CDH18: variants seen among roughly 807,000 people sequenced by gnomAD.
CDH18 encodes cadherin-18.
Under a neutral mutation model 67.9 loss-of-function variants are expected in CDH18, and 31 were observed. The ratio of observed to expected loss-of-function variants is 0.46; its 90% CI spans 0.34 to 0.62. The LOEUF is 0.62. Ranked by LOEUF, CDH18 falls within the 20% of genes least tolerant of loss-of-function variation. The probability of loss-of-function intolerance (pLI) is 0.01; values close to 1 mark genes in which losing one functional copy is unlikely to be tolerated. For missense variants in CDH18, 890 were observed against 975.5 expected (o/e 0.91, Z 1.17); for synonymous variants, 362 against 347.2 (o/e 1.04, Z -0.48).
chr5:20,074,581 C>G (rs899599331), intron 2 of CDH18, among the ~76,000 whole-genome samples: 1 of 152,148 alleles, frequency 6.6e-6, no homozygotes, highest in Non-Finnish European at 1.5e-5. Context: ...AGAATAAGTA[C>G]CAATGAACAT....
chr5:19,899,403 A>AC (rs1282543649), intron 2 of CDH18, among the ~76,000 whole-genome samples: 1 of 151,938 alleles, frequency 6.6e-6, no homozygotes, highest in African/African-American at 2.4e-5. Context: ...CCATTTCAAA[A>AC]AAAAAAAAAA....
chr5:19,599,746 C>T (rs1746764514), intron 6 of CDH18, among the ~76,000 whole-genome samples: 1 of 151,944 alleles, frequency 6.6e-6, no homozygotes, highest in Non-Finnish European at 1.5e-5. Flanking sequence ...ACTAAAAATA[C>T]AAAAAATTAG....
Position 19,929,739 on chromosome 5 carries a change from C to T in CDH18, c.-257+51321G>A, listed in dbSNP as rs375092384. On this transcript the variant is annotated intron_variant, in intron 2 of 12. Coordinates refer to ENST00000382275, the MANE Select transcript of CDH18 (RefSeq NM_004934.5). The stretch of plus-strand genomic sequence containing the variant: ...TTAAATGTTGGTGTGTGAATGTAAC[C>T]ATCTTAAGTTGATTTTTGTAGGCTA... Among the ~76,000 whole-genome samples, 9 of 152,120 alleles carry T rather than the reference C, an allele frequency of 5.9e-5. 1 individual carries two copies. In the East Asian group the frequency reaches 1.5e-3, roughly 26 times the overall value.
At chr5:19,927,698 TA>T (rs1793246899) in intron 2 of CDH18, among the ~76,000 whole-genome samples, 1 of 152,170 alleles carries the variant, frequency 6.6e-6, no homozygotes, top group African/African-American at 2.4e-5. Context: ...AGATTATGTA[TA>T]AAAATATTTC....
At chr5:20,379,451 C>T (rs1013983703) in intron 1 of CDH18, among the ~76,000 whole-genome samples, 11 of 152,226 alleles carry the variant, frequency 7.2e-5, no homozygotes, top group African/African-American at 2.4e-4. Context: ...CAGAATATTA[C>T]GGCCACACTG....
chr5:20,573,350 G>A (rs1324686460), intron 1 of CDH18, among the ~76,000 whole-genome samples: 4 of 150,344 alleles, frequency 2.7e-5, no homozygotes, highest in East Asian at 1.9e-4. Context: ...TTAGAATTAC[G>A]TTTTTTTTTA....
At chr5:19,817,187 A>C (rs1022623324) in intron 3 of CDH18, among the ~76,000 whole-genome samples, 1 of 151,946 alleles carries the variant, frequency 6.6e-6, no homozygotes, top group Non-Finnish European at 1.5e-5. Context: ...TTTTTCACCC[A>C]TCATGTTTGC....
At chr5:19,793,451 G>GAATAATGA (rs1442120924) in intron 3 of CDH18, among the ~76,000 whole-genome samples, 2 of 152,064 alleles carry the variant, frequency 1.3e-5, no homozygotes, top group Admixed American at 1.3e-4. Flanking sequence ...GAGCTAAGGT[G>GAATAATGA]ATCATAAGGT....
chr5:19,920,733 C>G (rs1792342591), intron 2 of CDH18, among the ~76,000 whole-genome samples: 1 of 151,790 alleles, frequency 6.6e-6, no homozygotes, highest in South Asian at 2.1e-4. Context: ...AGTCTGGTCT[C>G]GAGCTCCTGA....
intron 9 of CDH18, among the ~76,000 whole-genome samples, chr5:19,538,202 C>A (rs770299): frequency 1.3e-5 from 2 of 152,228 alleles, no homozygotes; most frequent in Non-Finnish European, 2.9e-5. Context: ...TGGAGAAGAG[C>A]TCATCCCAGC....
chr5:20,533,682 T>C (rs1000670969), intron 1 of CDH18, among the ~76,000 whole-genome samples: 4 of 152,112 alleles, frequency 2.6e-5, no homozygotes, highest in Non-Finnish European at 4.4e-5. Context: ...GTAAGTTGAG[T>C]ATATCTCCTT....
chr5:19,517,876 A>T (rs192047495), intron 10 of CDH18, among the ~76,000 whole-genome samples: 1 of 151,562 alleles, frequency 6.6e-6, no homozygotes, highest in African/African-American at 2.4e-5. Context: ...GGATTTTTTT[A>T]TTCTGACTTA....
At chr5:20,245,675 A>G (rs1743319692) in intron 2 of CDH18, among the ~76,000 whole-genome samples, 1 of 152,128 alleles carries the variant, frequency 6.6e-6, no homozygotes. Context: ...ATGATTTGAG[A>G]TAAGTCAGTG....
At chr5:19,791,944 C>T (rs561103197) in intron 3 of CDH18, among the ~76,000 whole-genome samples, 2 of 152,124 alleles carry the variant, frequency 1.3e-5, no homozygotes, top group Non-Finnish European at 2.9e-5. Flanking sequence ...CCACAACAGA[C>T]TACTTTTTAG....
At chr5:20,339,835 A>T (rs982343935) in intron 1 of CDH18, among the ~76,000 whole-genome samples, 1 of 152,214 alleles carries the variant, frequency 6.6e-6, no homozygotes, top group East Asian at 1.9e-4. Flanking sequence ...TCTTGGAAAG[A>T]TTTTATGCAA....
chr5:19,834,898 T>C (rs1781451859), intron 3 of CDH18, among the ~76,000 whole-genome samples: 1 of 152,158 alleles, frequency 6.6e-6, no homozygotes, highest in South Asian at 2.1e-4. Flanking sequence ...CCCAGAGAAA[T>C]AGGAACACAT....
chr5:20,319,709 T>G (rs1157252636), intron 1 of CDH18, among the ~76,000 whole-genome samples: 1 of 152,146 alleles, frequency 6.6e-6, no homozygotes, highest in Admixed American at 6.5e-5. Context: ...CATACCCAGA[T>G]CTCATAATCC....
intron 1 of CDH18, among the ~76,000 whole-genome samples, chr5:20,556,595 A>G (rs1250446210): frequency 2.0e-5 from 3 of 152,132 alleles, no homozygotes; most frequent in Admixed American, 1.3e-4. Flanking sequence ...AACCTAGCAT[A>G]TGAGTCATCA....
At chr5:19,737,295 T>A (rs896114540) in intron 4 of CDH18, among the ~76,000 whole-genome samples, 1 of 152,186 alleles carries the variant, frequency 6.6e-6, no homozygotes, top group African/African-American at 2.4e-5. Context: ...CTATATCTGA[T>A]GCTATACTTT....
Sources: gnomAD v4.1 joint callset for allele counts (sites outside exome capture counted in the v4.1 genomes callset) on GRCh38, gnomAD v4.1.1 for gene constraint, MANE v1.5 for transcripts, NCBI Gene and HGNC (gene_info 2026-07-23, HGNC 2026-07-21) for gene names.